LRTM1: variants seen among roughly 807,000 people sequenced by gnomAD.
LRTM1 encodes the protein leucine rich repeat transmembrane protein 1, also known as leucine-rich repeat and transmembrane domain-containing protein 1.
Under a neutral mutation model 32.4 loss-of-function variants are expected in LRTM1, and 38 were observed. The ratio of observed to expected loss-of-function variants is 1.17; its 90% CI spans 0.91 to 1.54. LRTM1 has a LOEUF of 1.54. LRTM1 is among the 40% of genes most tolerant of loss of function. The pLI, the probability that LRTM1 is intolerant of heterozygous loss-of-function variation, is 0.00. For synonymous variants in LRTM1, 186 were observed against 169.9 expected, an observed-to-expected ratio of 1.09 and a Z score of -0.74; for missense variants, 466 against 415.4, an observed-to-expected ratio of 1.12 and a Z score of -1.06.
At chr3:54,928,459 C>T (rs1191519450), upstream of LRTM1, among the ~76,000 whole-genome samples, 1 of 152,130 alleles carries the variant, frequency 6.6e-6, no homozygotes, top group Non-Finnish European at 1.5e-5. Flanking sequence ...AGCAGCAGAG[C>T]CCGCAGAGTG....
chr3:54,918,357 T>TTTTTA lies in LRTM1; in HGVS notation c.*101_*102insTAAAA. The TTTTTA allele has an allele frequency of 4.8e-6, 2 of 412,638 alleles. No homozygotes were observed. The highest frequency in any genetic ancestry group is 7.2e-6 in the Non-Finnish European group (2 of 279,560). The allele number at this position is 412,638 out of a possible 1,614,324, so 25.6% of individuals were successfully genotyped here. A position where few individuals can be genotyped will look rare whatever the true frequency, so the allele number is the denominator to read the frequency against. On this transcript the variant is annotated 3_prime_UTR_variant, in exon 3 of 3. Coordinates refer to ENST00000273286, the MANE Select transcript of LRTM1 (RefSeq NM_020678.4). ...CTTTTTTTTTTTTTTTTTTTTTTTG[T>TTTTTA]CTTTTGGCAAAAGCAAAATCAGACT...
At chr3:54,936,701 A>G (rs1383521800) in intron 1 of LRTM1, among the ~76,000 whole-genome samples, 1 of 152,060 alleles carries the variant, frequency 6.6e-6, no homozygotes, top group African/African-American at 2.4e-5. Context: ...GCCCGTCGCT[A>G]GTAGGAGGCC....
intron 1 of LRTM1, among the ~76,000 whole-genome samples, chr3:54,936,140 GT>G (rs1701322678): frequency 6.8e-6 from 1 of 147,898 alleles, no homozygotes; most frequent in Admixed American, 6.8e-5. Context: ...GGGTTAAACA[GT>G]TTTTTATCAC....
At chr3:54,956,076 C>G (rs1701884748) in intron 1 of LRTM1, among the ~76,000 whole-genome samples, 1 of 152,188 alleles carries the variant, frequency 6.6e-6, no homozygotes, top group South Asian at 2.1e-4. Context: ...CTCCTTCTCC[C>G]TCCCCTCCCT....
At chr3:54,929,058 A>G (rs1221736941), upstream of LRTM1, among the ~76,000 whole-genome samples, 1 of 152,172 alleles carries the variant, frequency 6.6e-6, no homozygotes, top group East Asian at 1.9e-4. Context: ...AGCAGCATGA[A>G]GTGCAATCCT....
intron 1 of LRTM1, among the ~76,000 whole-genome samples, chr3:54,942,487 A>G (rs896612213): frequency 1.3e-5 from 2 of 152,218 alleles, no homozygotes; most frequent in East Asian, 1.9e-4. Flanking sequence ...TGCTGATTAT[A>G]TGCTCCTCTT....
chr3:54,950,172 A>G (rs1701722209), intron 1 of LRTM1, among the ~76,000 whole-genome samples: 1 of 152,226 alleles, frequency 6.6e-6, no homozygotes. Context: ...CTATTTCCAT[A>G]CAGCCGAGGT....
rs114743197 is a variant in LRTM1 at position 54,953,882 on chromosome 3, G to C, written c.-222+13046C>G. Among the ~76,000 whole-genome samples, 1,123 of 152,260 alleles carry C rather than the reference G, an allele frequency of 7.4e-3. 10 individuals carry two copies. The highest frequency in any genetic ancestry group is 0.012 in the Non-Finnish European group (806 of 68,034). On this transcript the variant is annotated intron_variant, in intron 1 of 2. Coordinates refer to the LRTM1 transcript ENST00000493075. Reference sequence around the variant, plus strand: ...AGGAAAGGCCTGGGACTTGGAGTCTGAGTAGCCTCTTGAGGTCACCCCGTT... The same window carrying C: ...AGGAAAGGCCTGGGACTTGGAGTCTCAGTAGCCTCTTGAGGTCACCCCGTT...
intron 1 of LRTM1, among the ~76,000 whole-genome samples, chr3:54,943,672 C>T (rs1701535492): frequency 6.7e-6 from 1 of 149,582 alleles, no homozygotes; most frequent in South Asian, 2.1e-4. Context: ...CATCAGATGT[C>T]TCAAATATGT....
chr3:54,952,800 A>G (rs1326738412), intron 1 of LRTM1, among the ~76,000 whole-genome samples: 1 of 152,156 alleles, frequency 6.6e-6, no homozygotes, highest in Non-Finnish European at 1.5e-5. Flanking sequence ...CAGAGGGACA[A>G]TGACAATATC....
upstream of LRTM1, chr3:54,928,078 A>G (rs754133020): frequency 3.1e-6 from 2 of 649,164 alleles, no homozygotes; most frequent in Non-Finnish European, 5.5e-6. Context: ...CTTTCAAAAG[A>G]CCATTTATTT....
At chr3:54,958,940 C>T (rs780714041) in intron 1 of LRTM1, among the ~76,000 whole-genome samples, 5 of 151,880 alleles carry the variant, frequency 3.3e-5, no homozygotes, top group Non-Finnish European at 5.9e-5. Context: ...CCTGTCTCTA[C>T]AAAAAACACA....
intron 1 of LRTM1, among the ~76,000 whole-genome samples, chr3:54,963,233 C>A (rs564042544): frequency 5.9e-5 from 9 of 152,272 alleles, no homozygotes; most frequent in Non-Finnish European, 1.3e-4. Context: ...CTGATCTAAA[C>A]CCCCTATACC....
chr3:54,962,976 A>G (rs2107052286), intron 1 of LRTM1, among the ~76,000 whole-genome samples: 1 of 152,302 alleles, frequency 6.6e-6, no homozygotes, highest in Admixed American at 6.5e-5. Flanking sequence ...TTCTAATTTT[A>G]TATTTTGTGA....
chr3:54,962,290 G>A (rs1010832456), intron 1 of LRTM1, among the ~76,000 whole-genome samples: 3 of 152,120 alleles, frequency 2.0e-5, no homozygotes, highest in African/African-American at 7.2e-5. Flanking sequence ...GAGCCTGCTT[G>A]GCTGATAGCA....
intron 1 of LRTM1, among the ~76,000 whole-genome samples, chr3:54,962,539 C>G (rs1485627651): frequency 6.6e-6 from 1 of 152,218 alleles, no homozygotes; most frequent in Admixed American, 6.5e-5. Context: ...TTTATTTACT[C>G]TCACTGATTT....
chr3:54,918,356 G>GTTT lies in LRTM1; in HGVS notation c.*102_*103insAAA. 1 of 161,676 alleles carries GTTT rather than the reference G, an allele frequency of 6.2e-6. No individual in the cohort carries two copies. The highest frequency in any genetic ancestry group is 1.1e-5 in the Non-Finnish European group (1 of 90,630). The allele number at this position is 161,676 out of a possible 1,614,324, so 10.0% of individuals were successfully genotyped here. ...TCTTTTTTTTTTTTTTTTTTTTTTTGTCTTTTGGCAAAAGCAAAATCAGAC... is the reference window on the plus strand; with the variant it reads ...TCTTTTTTTTTTTTTTTTTTTTTTTGTTTTCTTTTGGCAAAAGCAAAATCAGAC... On this transcript the variant is annotated 3_prime_UTR_variant, in exon 3 of 3. Coordinates refer to ENST00000273286, the MANE Select transcript of LRTM1 (RefSeq NM_020678.4).
chr3:54,918,723 A>G lies in LRTM1; in HGVS notation c.774T>C (p.Pro258=). ...GSAHGVVLRP[P]ENHNAGEREL... ...CTCGCTCCCCCGCGTTGTGGTTCTC[A>G]GGAGGCCTCAGGACCACACCGTGGG... Residue 258 remains proline, a synonymous_variant, in exon 3 of 3, where the codon CCT becomes CCC. Transcript: ENST00000273286. 1.9e-6 allele frequency: 3 copies of G among 1,614,078 alleles called. No individual in the cohort carries two copies. The highest frequency in any genetic ancestry group is 1.1e-5 in the South Asian group (1 of 91,074).
intron 1 of LRTM1, among the ~76,000 whole-genome samples, chr3:54,954,695 C>T (rs952428454): frequency 2.0e-5 from 3 of 152,144 alleles, no homozygotes; most frequent in African/African-American, 7.2e-5. Context: ...TGAGATTCCC[C>T]AGGCCTCAGC....
Sources: allele counts gnomAD v4.1 joint callset (sites outside exome capture counted in the v4.1 genomes callset), GRCh38; gene constraint gnomAD v4.1.1; transcripts MANE v1.5; gene names NCBI Gene and HGNC (gene_info 2026-07-23, HGNC 2026-07-21).